HIVEP3: variants seen among roughly 807,000 people sequenced by gnomAD.
HIVEP3 encodes the protein HIVEP zinc finger 3.
In HIVEP3, 49 loss-of-function variants were observed where a neutral mutation model predicts 152.8. The observed-to-expected ratio is 0.32, with a 90% confidence interval of 0.26 to 0.41. The LOEUF (loss-of-function observed/expected upper bound fraction) is 0.41. Among genes scored for constraint, HIVEP3 ranks in the 10% least tolerant of loss-of-function variants. HIVEP3 has a pLI of 1.00. For missense variants in HIVEP3, 2,790 were observed against 3,103.3 expected (o/e 0.90, Z 2.40); for synonymous variants, 1,269 against 1,289.0 (o/e 0.98, Z 0.33).
intron 3 of HIVEP3, among the ~76,000 whole-genome samples, chr1:41,590,794 G>A (rs1644576131): frequency 1.3e-5 from 2 of 152,176 alleles, no homozygotes; most frequent in Admixed American, 1.3e-4. Flanking sequence ...GCACAAGACA[G>A]GCACCTGTAG....
In HIVEP3 at chr1:42,018,765, G is replaced by C. The variant is rs372142897; in HGVS notation, n.119+17042C>G. 2.6e-5 allele frequency among the ~76,000 whole-genome samples: 4 copies of C among 151,976 alleles called. No individual in the cohort carries two copies. The East Asian group carries it at 7.7e-4, about 29-fold the overall frequency. ...TTATCAGCCCATAGACAGCATCAGAGGAACCTGAAAATAAACCTCACTCCA... is the reference window on the plus strand; with the variant it reads ...TTATCAGCCCATAGACAGCATCAGACGAACCTGAAAATAAACCTCACTCCA... On this transcript the variant is annotated intron_variant and non_coding_transcript_variant, in intron 1 of 3. Transcript: ENST00000489103.
chr1:41,569,658 G>T (rs761968983), intron 5 of HIVEP3, among the ~76,000 whole-genome samples: 11 of 152,110 alleles, frequency 7.2e-5, no homozygotes, highest in Non-Finnish European at 1.6e-4. Context: ...ATAATCTTTA[G>T]ATTTTTTAAA....
chr1:42,026,480 T>A (rs1018870524), intron 1 of HIVEP3, among the ~76,000 whole-genome samples: 6 of 152,214 alleles, frequency 3.9e-5, no homozygotes, highest in African/African-American at 1.4e-4. Context: ...TTTAATATTT[T>A]CAGTGGAATT....
chr1:41,548,351 C>T (rs759836475), intron 5 of HIVEP3, among the ~76,000 whole-genome samples: 3 of 152,182 alleles, frequency 2.0e-5, no homozygotes, highest in Non-Finnish European at 2.9e-5. Context: ...CACATGCCTG[C>T]GCTCTTGGCT....
At chr1:41,853,215 A>G (rs148111102) in intron 1 of HIVEP3, among the ~76,000 whole-genome samples, 222 of 152,310 alleles carry the variant, frequency 1.5e-3, no homozygotes, top group African/African-American at 5.1e-3. Context: ...TGATGTAATG[A>G]GGGCTAGAAT....
chr1:41,848,755 GCC>G (rs1643511942), intron 1 of HIVEP3: 1 of 152,602 alleles, frequency 6.6e-6, no homozygotes, highest in Non-Finnish European at 1.5e-5. Flanking sequence ...TCCCTGCTGT[GCC>G]CATCTGCTGC....
intron 3 of HIVEP3, among the ~76,000 whole-genome samples, chr1:41,603,312 C>G (rs573813525): frequency 3.3e-5 from 5 of 151,414 alleles, no homozygotes; most frequent in African/African-American, 1.2e-4. Context: ...AGGTGATCCA[C>G]CCACCTCGGC....
intron 1 of HIVEP3, among the ~76,000 whole-genome samples, chr1:41,942,922 C>T (rs980978474): frequency 3.3e-5 from 5 of 151,050 alleles, no homozygotes; most frequent in African/African-American, 4.9e-5. Context: ...TTTTTTGAGA[C>T]GGAGTTTCGC....
At chr1:41,831,845 C>T (rs1040997678) in intron 1 of HIVEP3, among the ~76,000 whole-genome samples, 1 of 152,116 alleles carries the variant, frequency 6.6e-6, no homozygotes, top group Admixed American at 6.5e-5. Flanking sequence ...CTCATTTAAT[C>T]CAAACAACAG....
At chr1:41,670,128 G>C (rs1305914468) in intron 2 of HIVEP3, among the ~76,000 whole-genome samples, 4 of 152,184 alleles carry the variant, frequency 2.6e-5, no homozygotes, top group African/African-American at 9.7e-5. Context: ...GCACCCAGTA[G>C]GTGCACAGTG....
Position 42,033,902 on chromosome 1 carries a change from C to T in HIVEP3, n.119+1905G>A, listed in dbSNP as rs569273142. 5.9e-5 allele frequency among the ~76,000 whole-genome samples: 9 copies of T among 152,276 alleles called. No homozygotes were observed. The South Asian group carries it at 1.9e-3, about 32-fold the overall frequency. On this transcript the variant is annotated intron_variant and non_coding_transcript_variant, in intron 1 of 3. Coordinates refer to the HIVEP3 transcript ENST00000489103. The stretch of plus-strand genomic sequence containing the variant: ...GCTGTCATTTACTTAACTATGTGAC[C>T]TGAGTCAAGCAACTGGGCCTCAATT...
intron 5 of HIVEP3, among the ~76,000 whole-genome samples, chr1:41,537,363 T>C (rs1643426678): frequency 6.6e-6 from 1 of 152,216 alleles, no homozygotes; most frequent in Admixed American, 6.5e-5. Flanking sequence ...TTCTTGGGTG[T>C]AGTCAGTCAT....
At chr1:41,716,565 A>G (rs1479281951) in intron 1 of HIVEP3, among the ~76,000 whole-genome samples, 1 of 152,216 alleles carries the variant, frequency 6.6e-6, no homozygotes, top group Non-Finnish European at 1.5e-5. Context: ...GTGTGGCCAC[A>G]AAGGGCTTCT....
intron 2 of HIVEP3, among the ~76,000 whole-genome samples, chr1:41,670,542 G>T (rs1451503040): frequency 3.9e-5 from 6 of 152,210 alleles, no homozygotes; most frequent in Non-Finnish European, 7.3e-5. Flanking sequence ...TGGAACTTAT[G>T]TTCTAGGGGA....
intron 1 of HIVEP3, among the ~76,000 whole-genome samples, chr1:41,977,408 C>T (rs543748369): frequency 1.6e-4 from 24 of 152,264 alleles, no homozygotes; most frequent in African/African-American, 5.8e-4. Context: ...CACGCTCCCC[C>T]ACTCCCCAGC....
chr1:41,646,565 T>C (rs6702659), intron 2 of HIVEP3, among the ~76,000 whole-genome samples: 107,162 of 152,062 alleles, frequency 0.7, 38,143 homozygotes, highest in East Asian at 0.98. Context: ...CAAGGGTCTA[T>C]GACCACTTTC....
At chr1:41,925,238 TG>T (rs1644962185) in intron 1 of HIVEP3, among the ~76,000 whole-genome samples, 1 of 152,204 alleles carries the variant, frequency 6.6e-6, no homozygotes, top group African/African-American at 2.4e-5. Context: ...ACTCAGGGGT[TG>T]GGGCTCTGAC....
Position 41,513,335 on chromosome 1 carries a change from A to G in HIVEP3, c.5886T>C (p.Pro1962=), listed in dbSNP as rs756400645. The G allele has an allele frequency of 6.2e-7, 1 of 1,612,988 alleles. No individual in the cohort carries two copies. Among genetic ancestry groups the G allele is most frequent in the Non-Finnish European group, 8.5e-7 (1 of 1,180,002 alleles). The change falls in exon 8 of 9, where the codon CCT becomes CCC. Residue 1962 remains proline (P), a synonymous_variant. Coordinates refer to ENST00000372583, the MANE Select transcript of HIVEP3 (RefSeq NM_024503.5). The part of the protein sequence containing the change: ...KDTGSALSYK[P]VSPRRPWSPS... Reference sequence around the variant, plus strand: ...GGGACCACGGTCTTCTTGGGGACACAGGCTTGTAGCTCAAGGCTGAGCCTG... The same window carrying G: ...GGGACCACGGTCTTCTTGGGGACACGGGCTTGTAGCTCAAGGCTGAGCCTG...
At chr1:41,863,683 C>T (rs186248424) in intron 1 of HIVEP3, among the ~76,000 whole-genome samples, 2 of 152,346 alleles carry the variant, frequency 1.3e-5, no homozygotes, top group Admixed American at 1.3e-4. Flanking sequence ...GATCTAACGG[C>T]ACACATAAGA....
Sources: gnomAD v4.1 joint callset for allele counts (sites outside exome capture counted in the v4.1 genomes callset) on GRCh38, gnomAD v4.1.1 for gene constraint, MANE v1.5 for transcripts, NCBI Gene and HGNC (gene_info 2026-07-23, HGNC 2026-07-21) for gene names.